The following CDH13 variants were observed in gnomAD, a reference collection of about 807,000 sequenced individuals.
CDH13 encodes cadherin 13.
CDH13 carries 24 observed loss-of-function variants against 63.8 expected under a neutral mutation model. The ratio of observed to expected loss-of-function variants is 0.38; its 90% CI spans 0.27 to 0.53. The LOEUF (loss-of-function observed/expected upper bound fraction) is 0.53, where lower values mean the gene tolerates loss of function less well. Among genes scored for constraint, CDH13 ranks in the 20% least tolerant of loss-of-function variants. The probability of loss-of-function intolerance (pLI) is 0.85; values close to 1 mark genes in which losing one functional copy is unlikely to be tolerated. For missense variants in CDH13, 1,049 were observed against 903.1 expected (o/e 1.16, Z -2.07); for synonymous variants, 503 against 355.3 (o/e 1.42, Z -4.67).
At chr16:83,216,425 T>TATATATATAA (rs2039522682) in intron 4 of CDH13, among the ~76,000 whole-genome samples, 1 of 101,082 alleles carries the variant, frequency 9.9e-6, no homozygotes, top group Non-Finnish European at 2.0e-5. Flanking sequence ...TATATATATA[T>TATATATATAA]ATATATATAT....
chr16:83,243,110 G>T (rs1002328464), intron 5 of CDH13, among the ~76,000 whole-genome samples: 1 of 152,166 alleles, frequency 6.6e-6, no homozygotes, highest in African/African-American at 2.4e-5. Context: ...TGACTCCAGT[G>T]TCCAGGCTAT....
At chr16:83,602,097 AGAAC>A (rs1567797475) in intron 7 of CDH13, among the ~76,000 whole-genome samples, 27 of 70,406 alleles carry the variant, frequency 3.8e-4, no homozygotes, top group Non-Finnish European at 4.3e-4. Flanking sequence ...AAAAAAAAAA[AGAAC>A]AACAACAAAA....
intron 1 of CDH13, among the ~76,000 whole-genome samples, chr16:82,803,723 CAGA>C (rs1340385943): frequency 6.6e-6 from 1 of 152,046 alleles, no homozygotes; most frequent in Non-Finnish European, 1.5e-5. Flanking sequence ...AAGACAGTCA[CAGA>C]AGGACAGAAA....
intron 2 of CDH13, among the ~76,000 whole-genome samples, chr16:83,027,101 G>GCCCCCCCCCCCCCCC (rs1386342125): frequency 2.5e-5 from 3 of 118,558 alleles, no homozygotes; most frequent in Admixed American, 8.5e-5. Flanking sequence ...ACAGAAGGGA[G>GCCCCCCCCCCCCCCC]ACCCCCCCCC....
intron 6 of CDH13, among the ~76,000 whole-genome samples, chr16:83,386,889 G>C (rs2091684875): frequency 6.6e-6 from 1 of 152,156 alleles, no homozygotes; most frequent in Non-Finnish European, 1.5e-5. Context: ...GAAGAGATAA[G>C]GGGAAGAAGT....
chr16:83,448,707 G>A (rs1425584862), intron 6 of CDH13, among the ~76,000 whole-genome samples: 1 of 152,230 alleles, frequency 6.6e-6, no homozygotes, highest in Non-Finnish European at 1.5e-5. Flanking sequence ...GTAAGAGGAT[G>A]CATTCATTCC....
At chr16:82,675,775 T>C (rs1474451421) in intron 1 of CDH13, among the ~76,000 whole-genome samples, 1 of 152,208 alleles carries the variant, frequency 6.6e-6, no homozygotes, top group Non-Finnish European at 1.5e-5. Flanking sequence ...CCAGCCTTTG[T>C]GACCTCTGCC....
intron 1 of CDH13, among the ~76,000 whole-genome samples, chr16:82,659,475 C>T (rs1346301897): frequency 6.6e-6 from 1 of 152,168 alleles, no homozygotes; most frequent in Admixed American, 6.5e-5. Flanking sequence ...GCAAGCAGTC[C>T]ATTCTCAAAT....
intron 1 of CDH13, chr16:82,826,774 G>T (rs1007511766): frequency 1.3e-5 from 2 of 152,290 alleles, no homozygotes; most frequent in Non-Finnish European, 2.9e-5. Flanking sequence ...AGTTTGGCAG[G>T]TTCCTCAGAT....
At chr16:83,052,544 C>G (rs887654643) in intron 3 of CDH13, among the ~76,000 whole-genome samples, 2 of 152,110 alleles carry the variant, frequency 1.3e-5, no homozygotes, top group African/African-American at 2.4e-5. Context: ...GTTTGGGAGG[C>G]CAAGGCGGGC....
chr16:83,377,169 C>A (rs143249914), intron 6 of CDH13, among the ~76,000 whole-genome samples: 109 of 152,196 alleles, frequency 7.2e-4, no homozygotes, highest in African/African-American at 2.5e-3. Context: ...ATAAAAGTGA[C>A]AAAATGTTTA....
chr16:83,018,034 A>T (rs930134697), intron 2 of CDH13, among the ~76,000 whole-genome samples: 1 of 152,228 alleles, frequency 6.6e-6, no homozygotes, highest in Non-Finnish European at 1.5e-5. Flanking sequence ...TAATTTTTGC[A>T]TTTTAAAAAA....
At chr16:83,485,576 C>A (rs967432377) in intron 6 of CDH13, among the ~76,000 whole-genome samples, 2 of 152,146 alleles carry the variant, frequency 1.3e-5, no homozygotes, top group African/African-American at 2.4e-5. Flanking sequence ...AACTGGAATG[C>A]CTTTTTGCTC....
At chr16:83,576,290 C>G (rs779701887) in intron 7 of CDH13, among the ~76,000 whole-genome samples, 6 of 152,220 alleles carry the variant, frequency 3.9e-5, no homozygotes, top group Non-Finnish European at 8.8e-5. Flanking sequence ...GAGTTTTTCA[C>G]TTAGCATAAT....
chr16:83,354,553 T>G lies in CDH13; in HGVS notation c.781+9547T>G, dbSNP rs563135036. Among the ~76,000 whole-genome samples the G allele has an allele frequency of 1.4e-3, 209 of 152,280 alleles. 5 individuals are homozygous for G. In the South Asian group the frequency reaches 0.03, roughly 22 times the overall value. On this transcript the variant is annotated intron_variant, in intron 6 of 13. Transcript: ENST00000567109. ...TAAGCCAGATAATTTAAGTTTCGGATAAAATAAAACAAGGTACATTGTTTT... is the reference window on the plus strand; with the variant it reads ...TAAGCCAGATAATTTAAGTTTCGGAGAAAATAAAACAAGGTACATTGTTTT...
chr16:83,249,994 G>C (rs1905335264), intron 5 of CDH13, among the ~76,000 whole-genome samples: 1 of 152,172 alleles, frequency 6.6e-6, no homozygotes, highest in Non-Finnish European at 1.5e-5. Flanking sequence ...CAACCAAGTA[G>C]TTGTTTCATT....
At chr16:83,372,151 A>T (rs1191777120) in intron 6 of CDH13, among the ~76,000 whole-genome samples, 2 of 152,168 alleles carry the variant, frequency 1.3e-5, no homozygotes, top group Non-Finnish European at 2.9e-5. Flanking sequence ...ACTCATTCCC[A>T]GTTTGCAACA....
intron 3 of CDH13, among the ~76,000 whole-genome samples, chr16:83,062,248 C>T (rs2031621625): frequency 6.6e-6 from 1 of 152,206 alleles, no homozygotes; most frequent in East Asian, 1.9e-4. Flanking sequence ...TGAGTACCCC[C>T]TGTCAGTTTT....
At chr16:83,010,454 A>G (rs549123760) in intron 2 of CDH13, among the ~76,000 whole-genome samples, 10 of 152,230 alleles carry the variant, frequency 6.6e-5, no homozygotes, top group African/African-American at 2.4e-4. Context: ...ATTCAAGAGT[A>G]TAAACCATAG....
Sources: allele counts gnomAD v4.1 joint callset (sites outside exome capture counted in the v4.1 genomes callset), GRCh38; gene constraint gnomAD v4.1.1; transcripts MANE v1.5; gene names NCBI Gene and HGNC (gene_info 2026-07-23, HGNC 2026-07-21).